Variants in CFAP20DC observed in about 807,000 individuals in gnomAD.
CFAP20DC encodes the protein protein CFAP20DC.
Under a neutral mutation model 101.7 loss-of-function variants are expected in CFAP20DC, and 84 were observed. That is an observed-to-expected ratio of 0.83 (90% CI 0.69 to 0.99). CFAP20DC has a LOEUF of 0.99. Ranked by LOEUF, CFAP20DC falls within the 50% of genes least tolerant of loss-of-function variation. CFAP20DC has a pLI of 0.00. For synonymous variants in CFAP20DC, 359 were observed against 351.2 expected, an observed-to-expected ratio of 1.02 and a Z score of -0.25; for missense variants, 1,007 against 970.3, an observed-to-expected ratio of 1.04 and a Z score of -0.50.
intron 16 of CFAP20DC, among the ~76,000 whole-genome samples, chr3:58,745,595 T>C (rs1559535219): frequency 6.6e-6 from 1 of 152,304 alleles, no homozygotes; most frequent in East Asian, 1.9e-4. Context: ...TTGAGGAAGA[T>C]TAAATTAGAC....
At chr3:58,902,270 T>C (rs1219241132) in intron 6 of CFAP20DC, among the ~76,000 whole-genome samples, 2 of 152,222 alleles carry the variant, frequency 1.3e-5, no homozygotes, top group Non-Finnish European at 2.9e-5. Flanking sequence ...TACATGCACT[T>C]GTTTGAATAC....
chr3:58,894,980 C>A lies in CFAP20DC; in HGVS notation c.551-10271G>T, dbSNP rs560370303. Among the ~76,000 whole-genome samples the A allele has an allele frequency of 3.3e-5, 5 of 152,350 alleles. No homozygotes were observed. The South Asian group carries it at 1.0e-3, about 32-fold the overall frequency. Reference sequence around the variant, plus strand: ...TAAGCTCTATGTTGGCCCCTTGTAGCCATGGCTGGAGCAGCTGGGTCACAG... The same window carrying A: ...TAAGCTCTATGTTGGCCCCTTGTAGACATGGCTGGAGCAGCTGGGTCACAG... On this transcript the variant is annotated intron_variant, in intron 6 of 16. Transcript: ENST00000482387. This position sits in a 1 kb window ranked among gnomAD's most constrained non-coding sequence, Gnocchi z 4.1.
Position 58,870,226 on chromosome 3 carries a change from G to A in CFAP20DC, c.799C>T (p.Leu267Phe), listed in dbSNP as rs770640349. Residue 267 changes from leucine to phenylalanine, a missense_variant, in exon 8 of 17, where the codon CTT (leucine) becomes TTT (phenylalanine). Transcript: ENST00000482387. ...CTGCCAGAGAGTGGAGGTGGCCCAA[G>A]AACTTTGGATCCAAATGCGATATGA... ...VCHIAFGSKVLGPPPLSGRRN... is the reference protein window; with the variant it reads ...VCHIAFGSKVFGPPPLSGRRN... 24 of 1,613,976 alleles carry A rather than the reference G, an allele frequency of 1.5e-5. No individual in the cohort carries two copies. In the African/African-American group the frequency reaches 2.8e-4, roughly 19 times the overall value.
In CFAP20DC at chr3:59,039,591, C is replaced by T. The variant is rs752030154; in HGVS notation, c.244G>A (p.Val82Ile). The T allele has an allele frequency of 1.2e-5, 18 of 1,526,434 alleles. No homozygotes were observed. Among genetic ancestry groups the T allele is most frequent in the Middle Eastern group, 1.7e-4 (1 of 5,964 alleles). The allele number at this position is 1,526,434 out of a possible 1,614,324, so 94.6% of individuals were successfully genotyped here. Reference protein sequence around the residue: ...IQRFLVLQIYVPLGQDFSTEL... With the variant: ...IQRFLVLQIYIPLGQDFSTEL... ...GTGGAGAAGTCTTGTCCCAGGGGTA[C>T]GTAAATCTGAAGTACAAGAAACCTC... is the stretch of plus-strand genomic sequence containing the variant. Residue 82 changes from valine (V) to isoleucine (I), a missense_variant, in exon 4 of 17, where the codon GTA becomes ATA. By Grantham distance (29) the Val-to-Ile change is conservative (BLOSUM62 3). Coordinates refer to ENST00000482387, the MANE Select transcript of CFAP20DC (RefSeq NM_001394063.1).
intron 15 of CFAP20DC, among the ~76,000 whole-genome samples, chr3:58,759,526 C>T (rs931369136): frequency 2.0e-5 from 3 of 152,200 alleles, no homozygotes; most frequent in Non-Finnish European, 4.4e-5. Flanking sequence ...TGTGCAGAAG[C>T]TCTTCAGTTT....
At chr3:58,853,024 C>CA (rs1413734782) in intron 12 of CFAP20DC, among the ~76,000 whole-genome samples, 6 of 152,018 alleles carry the variant, frequency 3.9e-5, no homozygotes, top group South Asian at 2.1e-4. Flanking sequence ...AAAAACCCTT[C>CA]AAAAATTAAT....
intron 4 of CFAP20DC, among the ~76,000 whole-genome samples, chr3:59,005,530 TA>T (rs1396302454): frequency 6.6e-6 from 1 of 152,226 alleles, no homozygotes; most frequent in African/African-American, 2.4e-5. Context: ...GTACCATGTG[TA>T]AATTTTTCTG....
rs1409414711 is a variant in CFAP20DC at position 58,971,312 on chromosome 3, T to C, written c.279-33550A>G. Among the ~76,000 whole-genome samples, 1 of 152,214 alleles carries C rather than the reference T, an allele frequency of 6.6e-6. No individual in the cohort carries two copies. Among genetic ancestry groups the C allele is most frequent in the African/African-American group, 2.4e-5 (1 of 41,468 alleles). The stretch of plus-strand genomic sequence containing the variant: ...ATTATAAGATATTTCCAATTATTTA[T>C]AGTCTTGAAAACTTTTTTTTAAAGT... On this transcript the variant is annotated intron_variant, in intron 4 of 16. Coordinates refer to ENST00000482387, the MANE Select transcript of CFAP20DC (RefSeq NM_001394063.1). This position sits in a 1 kb window ranked among gnomAD's most constrained non-coding sequence, Gnocchi z 4.1.
intron 3 of CFAP20DC, among the ~76,000 whole-genome samples, chr3:58,731,191 T>C (rs1029409167): frequency 1.3e-5 from 2 of 152,252 alleles, no homozygotes; most frequent in African/African-American, 4.8e-5. Context: ...CTTCACTGTG[T>C]ATGCAGTAGG....
chr3:58,854,299 A>C (rs866591247), intron 12 of CFAP20DC, among the ~76,000 whole-genome samples: 1 of 151,602 alleles, frequency 6.6e-6, no homozygotes, highest in Non-Finnish European at 1.5e-5. Flanking sequence ...GACCTCTTCA[A>C]GGAGAACTAC....
chr3:59,032,687 A>G (rs1468636654), intron 4 of CFAP20DC, among the ~76,000 whole-genome samples: 1 of 152,216 alleles, frequency 6.6e-6, no homozygotes, highest in Non-Finnish European at 1.5e-5. Flanking sequence ...AAAGAAAGGC[A>G]GCAGCCCCAG....
chr3:58,818,977 A>G (rs1219540677), intron 14 of CFAP20DC, among the ~76,000 whole-genome samples: 1 of 150,884 alleles, frequency 6.6e-6, no homozygotes, highest in Non-Finnish European at 1.5e-5. Context: ...AGAACTCAGG[A>G]TTAAGAATCT....
chr3:58,750,146 A>G (rs1307102716), intron 16 of CFAP20DC, among the ~76,000 whole-genome samples: 1 of 152,116 alleles, frequency 6.6e-6, no homozygotes, highest in Non-Finnish European at 1.5e-5. Context: ...TGTGACACAA[A>G]CTCCTACTGA....
intron 15 of CFAP20DC, among the ~76,000 whole-genome samples, chr3:58,775,050 G>A (rs915070788): frequency 6.6e-6 from 1 of 152,174 alleles, no homozygotes; most frequent in Non-Finnish European, 1.5e-5. Context: ...CCAAGGTTGA[G>A]GATGTGCACC....
At chr3:58,807,525 A>G (rs934634718) in intron 14 of CFAP20DC, among the ~76,000 whole-genome samples, 3 of 152,224 alleles carry the variant, frequency 2.0e-5, no homozygotes, top group African/African-American at 7.2e-5. Flanking sequence ...TAGAAGGAAA[A>G]CTAACAAACA....
chr3:58,762,315 C>T (rs2069704849), intron 15 of CFAP20DC, among the ~76,000 whole-genome samples: 1 of 152,120 alleles, frequency 6.6e-6, no homozygotes, highest in Admixed American at 6.6e-5. Flanking sequence ...CTCTTCTGAT[C>T]TTTGTTGGTT....
At chr3:58,784,741 A>T (rs1372609118) in intron 15 of CFAP20DC, among the ~76,000 whole-genome samples, 1 of 152,120 alleles carries the variant, frequency 6.6e-6, no homozygotes, top group Non-Finnish European at 1.5e-5. Context: ...GAAATGTCCA[A>T]ACTGCTTTCC....
At chr3:58,764,306 A>G (rs919155775) in intron 15 of CFAP20DC, among the ~76,000 whole-genome samples, 5 of 152,102 alleles carry the variant, frequency 3.3e-5, no homozygotes, top group African/African-American at 1.2e-4. Flanking sequence ...GCAATAAGCG[A>G]GGCTCCGTTG....
intron 15 of CFAP20DC, among the ~76,000 whole-genome samples, chr3:58,776,481 C>G (rs887161860): frequency 1.3e-5 from 2 of 151,938 alleles, no homozygotes; most frequent in Non-Finnish European, 2.9e-5. Flanking sequence ...TACTTACTGG[C>G]CTTTATCTGC....
Sources: gnomAD v4.1 joint callset for allele counts (sites outside exome capture counted in the v4.1 genomes callset) on GRCh38, gnomAD v4.1.1 for gene constraint, Gnocchi (gnomAD v3.1) non-coding constraint, MANE v1.5 for transcripts, NCBI Gene and HGNC (gene_info 2026-07-23, HGNC 2026-07-21) for gene names.